MTAP: variants seen among roughly 807,000 people sequenced by gnomAD.
The protein encoded by MTAP is methylthioadenosine phosphorylase, also known as S-methyl-5'-thioadenosine phosphorylase.
Under a neutral mutation model 33.6 loss-of-function variants are expected in MTAP, and 33 were observed. The observed-to-expected ratio is 0.98, with a 90% CI of 0.74 to 1.31. The LOEUF is 1.31. Ranked by LOEUF, MTAP falls within the 40% of genes most tolerant of loss-of-function variation. The probability of loss-of-function intolerance (pLI) is 0.00; values close to 1 mark genes in which losing one functional copy is unlikely to be tolerated. For synonymous variants in MTAP, 148 were observed against 125.7 expected, an observed-to-expected ratio of 1.18 and a Z score of -1.19; for missense variants, 367 against 360.0, an observed-to-expected ratio of 1.02 and a Z score of -0.16.
intron 1 of MTAP, among the ~76,000 whole-genome samples, chr9:21,805,648 A>G (rs1824189986): frequency 6.6e-6 from 1 of 152,204 alleles, no homozygotes; most frequent in African/African-American, 2.4e-5. Flanking sequence ...GCCCTCATGA[A>G]TGGAAGCAGT....
intron 1 of MTAP, chr9:21,811,525 G>A (rs1015277024): frequency 6.0e-5 from 17 of 283,946 alleles, no homozygotes; most frequent in East Asian, 4.5e-4. Context: ...AACAGCAAGC[G>A]CACATACACT....
chr9:21,923,674 A>G (rs1818823244), intron 1 of MTAP, among the ~76,000 whole-genome samples: 1 of 152,164 alleles, frequency 6.6e-6, no homozygotes, highest in African/African-American at 2.4e-5. Context: ...CCATTCCTCT[A>G]ATCACTTCCA....
intron 5 of MTAP, among the ~76,000 whole-genome samples, chr9:21,840,581 G>T (rs1055220235): frequency 1.3e-5 from 2 of 152,204 alleles, no homozygotes; most frequent in African/African-American, 4.8e-5. Flanking sequence ...AACAGGAAGT[G>T]CTTTGGATGT....
chr9:21,888,333 C>T (rs1489719942), intron 1 of MTAP, among the ~76,000 whole-genome samples: 1 of 151,874 alleles, frequency 6.6e-6, no homozygotes, highest in East Asian at 1.9e-4. Flanking sequence ...TATATTAATT[C>T]CATTTGTTCT....
Position 21,922,542 on chromosome 9 carries a change from A to G in MTAP, c.148-8466A>G, listed in dbSNP as rs1818803888. ...CTCAGACAAATTCTTTCCTTTGAAG[A>G]GGCAAGAAACAAGTTCTTGCAGACC... On this transcript the variant is annotated intron_variant, in intron 1 of 1. Coordinates refer to the MTAP transcript ENST00000577563. This position sits in a 1 kb window ranked among gnomAD's most constrained non-coding sequence, Gnocchi z 4.8. 6.6e-6 allele frequency among the ~76,000 whole-genome samples: 1 copy of G among 152,130 alleles called. No homozygotes were observed. The highest frequency in any genetic ancestry group is 2.1e-4 in the South Asian group (1 of 4,808).
At chr9:21,930,895 T>G in intron 1 of MTAP, 1 of 627,374 alleles carries the variant, frequency 1.6e-6, no homozygotes, top group East Asian at 2.7e-5. Context: ...AAATGGGATC[T>G]TCCCTGGGTT....
chr9:21,840,221 CAAAAAAA>C (rs746964029), intron 5 of MTAP, among the ~76,000 whole-genome samples: 2 of 121,314 alleles, frequency 1.6e-5, no homozygotes, highest in African/African-American at 3.0e-5. Context: ...GACTCCATGT[CAAAAAAA>C]AAAAAAAGTA....
chr9:21,846,097 A>G (rs1825374382), intron 5 of MTAP, among the ~76,000 whole-genome samples: 1 of 152,148 alleles, frequency 6.6e-6, no homozygotes, highest in African/African-American at 2.4e-5. Flanking sequence ...CATCTCTCAT[A>G]TAAAAATCAA....
chr9:21,802,907 A>G, intron 1 of MTAP, 126 bp downstream of exon 1: 1 of 1,445,778 alleles, frequency 6.9e-7, no homozygotes, highest in Non-Finnish European at 9.0e-7. Context: ...GCGGGGAGGG[A>G]CTGGGGCGCG....
At chr9:21,861,158 A>C (rs1434600859) in intron 7 of MTAP, 1 of 152,144 alleles carries the variant, frequency 6.6e-6, no homozygotes, top group Non-Finnish European at 1.5e-5. Flanking sequence ...TTACTGTTTT[A>C]GCTTTATTTT....
intron 3 of MTAP, 123 bp downstream of exon 3, chr9:21,816,895 G>A (rs1386576301): frequency 5.2e-6 from 4 of 762,470 alleles, no homozygotes; most frequent in Non-Finnish European, 8.3e-6. Context: ...GAACATCTTA[G>A]TAACCTTTAT....
At chr9:21,939,431 A>T (rs1819098829), downstream of MTAP, among the ~76,000 whole-genome samples, 1 of 152,206 alleles carries the variant, frequency 6.6e-6, no homozygotes, top group Non-Finnish European at 1.5e-5. Context: ...AGCTTACAGA[A>T]ATTTAGCAGA....
At chr9:21,819,765 A>C (rs915530160) in intron 4 of MTAP, among the ~76,000 whole-genome samples, 2 of 152,202 alleles carry the variant, frequency 1.3e-5, no homozygotes, top group African/African-American at 4.8e-5. Context: ...CAGCAGTGTA[A>C]AAGTGTTCCT....
chr9:21,931,195 G>A (rs1289076193), exon 2 of MTAP: 1 of 730,212 alleles, frequency 1.4e-6, no homozygotes, highest in East Asian at 2.5e-5. Flanking sequence ...TGCCCTGACA[G>A]CTAGCAAGAG....
chr9:21,851,744 C>T (rs1158554011), intron 5 of MTAP, among the ~76,000 whole-genome samples: 1 of 152,112 alleles, frequency 6.6e-6, no homozygotes, highest in Non-Finnish European at 1.5e-5. Context: ...GAAAGGCTGA[C>T]CTAGCCTTAA....
chr9:21,833,854 T>C (rs1363291527), intron 4 of MTAP, among the ~76,000 whole-genome samples: 1 of 152,212 alleles, frequency 6.6e-6, no homozygotes, highest in Non-Finnish European at 1.5e-5. Flanking sequence ...GTAAGAGTCT[T>C]GATTCAAGAA....
At position 21,895,600 on chromosome 9, in the gene MTAP, C is replaced by A. The variant is rs549158331; in HGVS notation, c.148-35408C>A. ...ACAGATGGTACCTGGAAAACTGGGACACTCCCACCCTAATACTGTGCTTTT... is the reference window on the plus strand; with the variant it reads ...ACAGATGGTACCTGGAAAACTGGGAAACTCCCACCCTAATACTGTGCTTTT... On this transcript the variant is annotated intron_variant, in intron 1 of 1. Transcript: ENST00000577563. Among the ~76,000 whole-genome samples the A allele has an allele frequency of 4.6e-5, 7 of 152,266 alleles. No individual in the cohort carries two copies. In the East Asian group the frequency reaches 9.7e-4, roughly 21 times the overall value.
At chr9:21,823,769 C>G (rs1824710198) in intron 4 of MTAP, among the ~76,000 whole-genome samples, 1 of 152,216 alleles carries the variant, frequency 6.6e-6, no homozygotes, top group African/African-American at 2.4e-5. Context: ...TAGATTTGGT[C>G]TTTTCACATA....
chr9:21,854,972 T>C, intron 6 of MTAP, 102 bp downstream of exon 6: 1 of 1,454,424 alleles, frequency 6.9e-7, no homozygotes, highest in Non-Finnish European at 9.2e-7. Context: ...GAAAGTGCCT[T>C]TCTACAAGGT....
Sources: allele counts gnomAD v4.1 joint callset (sites outside exome capture counted in the v4.1 genomes callset), GRCh38; gene constraint gnomAD v4.1.1; non-coding constraint Gnocchi (gnomAD v3.1); transcripts MANE v1.5; gene names NCBI Gene and HGNC (gene_info 2026-07-23, HGNC 2026-07-21).